CFAP299: variants seen among roughly 807,000 people sequenced by gnomAD.
CFAP299 encodes cilia and flagella associated protein 299.
Under a neutral mutation model 27.0 loss-of-function variants are expected in CFAP299, and 21 were observed. That is an observed-to-expected ratio of 0.78 (90% CI 0.55 to 1.12). The LOEUF is 1.12. Ranked by LOEUF, CFAP299 falls within the 50% of genes most tolerant of loss-of-function variation. The pLI, the probability that CFAP299 is intolerant of heterozygous loss-of-function variation, is 0.00. For synonymous variants in CFAP299, 104 were observed against 98.1 expected, an observed-to-expected ratio of 1.06 and a Z score of -0.36; for missense variants, 310 against 276.6, an observed-to-expected ratio of 1.12 and a Z score of -0.86.
chr4:80,518,598 G>A (rs560599936), intron 2 of CFAP299, among the ~76,000 whole-genome samples: 9 of 152,076 alleles, frequency 5.9e-5, no homozygotes, highest in Non-Finnish European at 1.2e-4. Context: ...AGGGCAGAAA[G>A]CTCTAAAATG....
rs368487460 is a variant in CFAP299 at position 80,385,401 on chromosome 4, AT to A, written c.242+22520del. ...TTTTCTAGAAAAAAATCGTGATTAC[AT>A]TTATACAGAAATATGAATTACACTA... On this transcript the variant is annotated intron_variant, in intron 2 of 5. Transcript: ENST00000358105. Among the ~76,000 whole-genome samples the A allele has an allele frequency of 1.8e-3, 268 of 151,812 alleles. 1 individual carries two copies. The highest frequency in any genetic ancestry group is 6.0e-3 in the African/African-American group (249 of 41,366).
chr4:80,322,180 A>G, the CFAP299 span, among the ~76,000 whole-genome samples: 1 of 152,348 alleles, frequency 6.6e-6, no homozygotes, highest in South Asian at 2.1e-4. Context: ...ATCCTTTTGC[A>G]ATAAAAGGTT....
intron 2 of CFAP299, among the ~76,000 whole-genome samples, chr4:80,407,321 C>T (rs1196933074): frequency 1.3e-5 from 2 of 152,142 alleles, no homozygotes; most frequent in African/African-American, 4.8e-5. Context: ...TTATTCAGCT[C>T]ACAAGTGTAT....
At chr4:80,597,565 T>G (rs1220817384) in intron 3 of CFAP299, among the ~76,000 whole-genome samples, 3 of 152,228 alleles carry the variant, frequency 2.0e-5, no homozygotes, top group Non-Finnish European at 4.4e-5. Context: ...CCTTTATTGC[T>G]AGAGATGTTT....
intron 3 of CFAP299, among the ~76,000 whole-genome samples, chr4:80,710,139 A>C (rs996421115): frequency 3.4e-4 from 52 of 152,272 alleles, no homozygotes; most frequent in African/African-American, 1.2e-3. Flanking sequence ...AGGCTTGAAA[A>C]ATCAGAAATG....
chr4:80,815,635 T>G (rs1729383776), intron 3 of CFAP299, among the ~76,000 whole-genome samples: 1 of 152,120 alleles, frequency 6.6e-6, no homozygotes, highest in East Asian at 1.9e-4. Flanking sequence ...ATGAATTAAT[T>G]AAATGTATCA....
rs113276191 is a variant in CFAP299, at chr4:80,393,798, G to A, written c.242+30914G>A. 4.2e-3 allele frequency among the ~76,000 whole-genome samples: 643 copies of A among 152,226 alleles called. 5 individuals carry two copies. Among genetic ancestry groups the A allele is most frequent in the Non-Finnish European group, 7.7e-3 (527 of 68,006 alleles). On this transcript the variant is annotated intron_variant, in intron 2 of 5. Transcript: ENST00000358105. Reference sequence around the variant, plus strand: ...TCCTGTTATTAAGTAATGCATGACTGTACCTGTTGACCATTTGTATGTTGA... The same window carrying A: ...TCCTGTTATTAAGTAATGCATGACTATACCTGTTGACCATTTGTATGTTGA...
intron 4 of CFAP299, among the ~76,000 whole-genome samples, chr4:80,930,584 TG>T (rs1258440918): frequency 2.0e-5 from 3 of 152,134 alleles, no homozygotes; most frequent in Non-Finnish European, 4.4e-5. Context: ...GCTGCAAAAT[TG>T]CTTGCTTGCT....
At chr4:80,503,264 G>T (rs1451405946) in intron 2 of CFAP299, among the ~76,000 whole-genome samples, 1 of 151,902 alleles carries the variant, frequency 6.6e-6, no homozygotes, top group Non-Finnish European at 1.5e-5. Context: ...TCTGGTGTTT[G>T]GCACCTATTT....
intron 3 of CFAP299, among the ~76,000 whole-genome samples, chr4:80,711,765 G>T (rs396273): frequency 6.6e-6 from 1 of 152,136 alleles, no homozygotes; most frequent in East Asian, 1.9e-4. Context: ...CCAGAGTACC[G>T]TATTTTTGAA....
intron 4 of CFAP299, among the ~76,000 whole-genome samples, chr4:80,940,358 TA>T (rs1737129905): frequency 6.6e-6 from 1 of 152,184 alleles, no homozygotes; most frequent in South Asian, 2.1e-4. Context: ...CTGGGGAAGC[TA>T]GGCCCTCACT....
At chr4:80,854,005 T>C (rs1731681842) in intron 3 of CFAP299, among the ~76,000 whole-genome samples, 1 of 152,132 alleles carries the variant, frequency 6.6e-6, no homozygotes, top group Non-Finnish European at 1.5e-5. Flanking sequence ...TAAGATCAAC[T>C]GGTGTGTGAA....
intron 3 of CFAP299, among the ~76,000 whole-genome samples, chr4:80,733,352 A>G (rs1293070961): frequency 1.3e-5 from 2 of 152,134 alleles, no homozygotes; most frequent in Non-Finnish European, 1.5e-5. Context: ...GTTGGTGCAT[A>G]TATTTATGGG....
At chr4:80,352,708 CA>C (rs936699841) in intron 1 of CFAP299, among the ~76,000 whole-genome samples, 5 of 125,428 alleles carry the variant, frequency 4.0e-5, no homozygotes, top group African/African-American at 1.6e-4. Context: ...TGAAATCATA[CA>C]AAAGTATATT....
intron 3 of CFAP299, among the ~76,000 whole-genome samples, chr4:80,869,035 T>C (rs887933293): frequency 6.6e-6 from 1 of 151,856 alleles, no homozygotes; most frequent in African/African-American, 2.4e-5. Flanking sequence ...AATTATGAAA[T>C]ATTGAGAATT....
chr4:80,820,490 G>A (rs901959541), intron 3 of CFAP299, among the ~76,000 whole-genome samples: 9 of 151,908 alleles, frequency 5.9e-5, no homozygotes, highest in Non-Finnish European at 1.3e-4. Context: ...AATGCTCAGT[G>A]TGTTTAAGGA....
chr4:80,919,674 A>C (rs1735944059), intron 4 of CFAP299, among the ~76,000 whole-genome samples: 1 of 152,186 alleles, frequency 6.6e-6, no homozygotes, highest in African/African-American at 2.4e-5. Context: ...ATTCAGATTT[A>C]TCTGGTACAC....
At chr4:80,932,440 T>C (rs1240226635) in intron 4 of CFAP299, among the ~76,000 whole-genome samples, 1 of 152,130 alleles carries the variant, frequency 6.6e-6, no homozygotes, top group Non-Finnish European at 1.5e-5. Context: ...ATCAAACATA[T>C]ATTTTTACAT....
intron 3 of CFAP299, among the ~76,000 whole-genome samples, chr4:80,583,613 C>T (rs1736283819): frequency 6.6e-6 from 1 of 151,872 alleles, no homozygotes; most frequent in Non-Finnish European, 1.5e-5. Flanking sequence ...GGATACAAAT[C>T]ACGTAGTAGA....
Sources: allele counts gnomAD v4.1 joint callset (sites outside exome capture counted in the v4.1 genomes callset), GRCh38; gene constraint gnomAD v4.1.1; transcripts MANE v1.5; gene names NCBI Gene and HGNC (gene_info 2026-07-23, HGNC 2026-07-21).